Variants in MCM3AP observed in about 807,000 individuals in gnomAD.
MCM3AP encodes the protein minichromosome maintenance complex component 3 associated protein.
MCM3AP carries 126 observed loss-of-function variants against 184.1 expected under a neutral mutation model. The ratio of observed to expected loss-of-function variants is 0.68; its 90% CI spans 0.59 to 0.79. The LOEUF (loss-of-function observed/expected upper bound fraction) is 0.79. Ranked by LOEUF, MCM3AP falls within the 30% of genes least tolerant of loss-of-function variation. MCM3AP has a pLI of 0.00. For missense variants in MCM3AP, 2,496 were observed against 2,479.2 expected (o/e 1.01, Z -0.14); for synonymous variants, 1,002 against 979.3 (o/e 1.02, Z -0.43).
At chr21:46,277,765 C>T (rs1397270360) in intron 4 of MCM3AP, 48 bp from the exon 5 acceptor site, 3 of 1,250,394 alleles carry the variant, frequency 2.4e-6, no homozygotes, top group Non-Finnish European at 3.3e-6. Flanking sequence ...GGAAGGCCTT[C>T]AGAGCATTTT....
chr21:46,284,646 C>T lies in MCM3AP; in HGVS notation c.641G>A (p.Ser214Asn), dbSNP rs1039977087. ...AAAGGCAGATAATGAATTATTACTA[C>T]TAACAGGTTTTGAAAAGGTAAAATT... ...TSNFTFSKPV[S>N]SNNSLSAFTP... is the part of the protein sequence containing the mutation. Residue 214 changes from serine to asparagine, a missense_variant, in exon 1 of 28, where the codon AGT (serine) becomes AAT (asparagine). Around this residue, in one of 5 missense-constraint regions of MCM3AP, gnomAD observed 800 missense variants for 717.1 expected, o/e 1.12. Transcript: ENST00000291688. The T allele has an allele frequency of 2.2e-5, 36 of 1,614,046 alleles. No individual in the cohort carries two copies. Among genetic ancestry groups the T allele is most frequent in the Non-Finnish European group, 2.9e-5 (34 of 1,180,042 alleles).
intron 1 of MCM3AP, 21 bp downstream of exon 1, chr21:46,284,047 T>C (rs2081367238): frequency 1.2e-6 from 2 of 1,604,270 alleles, no homozygotes; most frequent in Non-Finnish European, 1.7e-6. Flanking sequence ...TTACTCTATG[T>C]GCTACATTTT....
At chr21:46,259,210 CT>C in intron 15 of MCM3AP, 119 bp from the exon 16 acceptor site, 1 of 937,242 alleles carries the variant, frequency 1.1e-6, no homozygotes, top group East Asian at 2.5e-5. Context: ...AATCCCAGCA[CT>C]TTGGAAGGCC....
At position 46,285,326 on chromosome 21, in the gene MCM3AP, G is replaced by A. The variant is rs747385375; in HGVS notation, c.-40C>T. ...ATTAGAAGGTAATTAAGTATTATGT[G>A]TACAAAATTAATTGGCTTCCTGAAA... On this transcript the variant is annotated 5_prime_UTR_variant, in exon 1 of 28. Transcript: ENST00000291688. 1.4e-6 allele frequency: 2 copies of A among 1,401,030 alleles called. No homozygotes were observed. Among genetic ancestry groups the A allele is most frequent in the South Asian group, 1.2e-5 (1 of 83,326 alleles). 86.8% of individuals were successfully genotyped at this position (1,401,030 alleles called of 1,614,324 possible).
chr21:46,269,083 C>A (rs906946658), intron 9 of MCM3AP, among the ~76,000 whole-genome samples: 1 of 152,162 alleles, frequency 6.6e-6, no homozygotes, highest in Non-Finnish European at 1.5e-5. Flanking sequence ...CAACATTCTA[C>A]TAACGCTCAA....
At chr21:46,247,424 C>CA (rs2080792329) in intron 20 of MCM3AP, among the ~76,000 whole-genome samples, 1 of 147,178 alleles carries the variant, frequency 6.8e-6, no homozygotes, top group African/African-American at 2.5e-5. Context: ...CTCACTCTGT[C>CA]GCCCAGGCTG....
chr21:46,269,308 G>C (rs1233117059), intron 9 of MCM3AP, among the ~76,000 whole-genome samples: 5 of 151,292 alleles, frequency 3.3e-5, no homozygotes, highest in African/African-American at 7.3e-5. Flanking sequence ...GTAGAGACAG[G>C]GCCTCCCTAT....
At chr21:46,247,128 T>C (rs1324062791) in intron 20 of MCM3AP, 1 of 464,336 alleles carries the variant, frequency 2.2e-6, no homozygotes, top group Admixed American at 3.5e-5. Flanking sequence ...TCAACCTTTT[T>C]TTTTTTTTGA....
chr21:46,270,952 T>C (rs1438593041), intron 8 of MCM3AP, among the ~76,000 whole-genome samples: 1 of 152,136 alleles, frequency 6.6e-6, no homozygotes, highest in East Asian at 1.9e-4. Flanking sequence ...AATAAACAAA[T>C]TCAAAAAGCA....
At position 46,245,105 on chromosome 21, in the gene MCM3AP, A is replaced by G. The variant is rs148426914; in HGVS notation, c.4740T>C (p.Ile1580=). The G allele has an allele frequency of 5.6e-6, 9 of 1,614,262 alleles. No homozygotes were observed. In the East Asian group the frequency reaches 2.0e-4, roughly 36 times the overall value. ...QTLIQYVEDG[I]GHEFSGRFFH... ...AAAAGCGGCCACTAAACTCATGGCCAATCCCGTCTTCGACGTACTGAATGA... is the reference window on the plus strand; with the variant it reads ...AAAAGCGGCCACTAAACTCATGGCCGATCCCGTCTTCGACGTACTGAATGA... The change falls in exon 23 of 28, where the codon ATT becomes ATC. Residue 1580 remains isoleucine (I), a synonymous_variant. Transcript: ENST00000291688.
chr21:46,260,085 A>T (rs925012743), intron 15 of MCM3AP, among the ~76,000 whole-genome samples: 5 of 152,062 alleles, frequency 3.3e-5, no homozygotes, highest in African/African-American at 1.2e-4. Flanking sequence ...TTAAAAAAAA[A>T]AAGTGCAAGA....
Position 46,251,652 on chromosome 21 carries a change from G to A in MCM3AP, c.4167C>T (p.Phe1389=). 1.3e-6 allele frequency: 2 copies of A among 1,599,462 alleles called. No homozygotes were observed. The highest frequency in any genetic ancestry group is 1.7e-6 in the Non-Finnish European group (2 of 1,168,182). ...CATCCACTGAGCCTTCATCTCCCAT[G>A]AACTTGACTTTTAACCAATTTGCTA... is the stretch of plus-strand genomic sequence containing the variant. ...RILANWLKVK[F]MGDEGSVDDT... is the part of the protein sequence containing the mutation. The change falls in exon 20 of 28, where the codon TTC becomes TTT. Residue 1389 remains phenylalanine (F), a synonymous_variant. Coordinates refer to ENST00000291688, the MANE Select transcript of MCM3AP (RefSeq NM_003906.5).
chr21:46,272,636 C>G lies in MCM3AP; in HGVS notation c.2390G>C (p.Gly797Ala). 1.9e-6 allele frequency: 3 copies of G among 1,614,196 alleles called. No individual in the cohort carries two copies. The highest frequency in any genetic ancestry group is 1.7e-6 in the Non-Finnish European group (2 of 1,180,026). Residue 797 changes from glycine (G) to alanine (A), a missense_variant, in exon 8 of 28, where the codon GGT becomes GCT. Physicochemically the swap from Gly to Ala is moderately conservative, Grantham distance 60. Around this residue, in one of 5 missense-constraint regions of MCM3AP, gnomAD observed 105 missense variants for 97.1 expected, o/e 1.08. Coordinates refer to ENST00000291688, the MANE Select transcript of MCM3AP (RefSeq NM_003906.5). Reference protein sequence around the residue: ...KEMYQDLRNKGVFCASEAEFQ... With the variant: ...KEMYQDLRNKAVFCASEAEFQ... ...CTCCGCTTCGCTGGCACAGAAGACA[C>G]CCTTGTTTCTCAGGTCCTGGTACAT...
At chr21:46,278,473 A>AAAGATGGATTCAGCCGG (rs2081282431) in intron 4 of MCM3AP, among the ~76,000 whole-genome samples, 1 of 152,232 alleles carries the variant, frequency 6.6e-6, no homozygotes, top group African/African-American at 2.4e-5. Flanking sequence ...CAAAAGATGA[A>AAAGATGGATTCAGCCGG]AAGATGGATT....
chr21:46,249,466 G>C (rs2080834702), intron 20 of MCM3AP: 1 of 391,842 alleles, frequency 2.6e-6, no homozygotes, highest in Non-Finnish European at 5.0e-6. Context: ...TGGGATTACA[G>C]GCATAAGCCA....
chr21:46,285,193 G>T lies in MCM3AP; in HGVS notation c.94C>A (p.Arg32=). 1 of 1,614,244 alleles carries T rather than the reference G, an allele frequency of 6.2e-7. No homozygotes were observed. Among genetic ancestry groups the T allele is most frequent in the African/African-American group, 1.3e-5 (1 of 75,064 alleles). The change falls in exon 1 of 28, where the codon CGA becomes AGA. Residue 32 remains arginine (R), a synonymous_variant. Transcript: ENST00000291688. ...CCAAAAAGAGAAGGTTGACCAAATC[G>T]AAATGGCGGCTTAGATGGAAGTGTT... The part of the protein sequence containing the change: ...VGTLPSKPPF[R]FGQPSLFGQN...
intron 20 of MCM3AP, chr21:46,249,655 TATAAC>T: frequency 2.3e-6 from 1 of 442,110 alleles, no homozygotes; most frequent in Non-Finnish European, 4.5e-6. Flanking sequence ...TCGCATGACA[TATAAC>T]ATCCAACAAG....
At position 46,243,593 on chromosome 21, in the gene MCM3AP, C is replaced by T. The variant is rs913157388; in HGVS notation, c.5168G>A (p.Ser1723Asn). ...CCCATGGACTGGGGAGGGACTCTTGCTCTTCCACCTACAGTAGGTTCTGTG... is the reference window on the plus strand; with the variant it reads ...CCCATGGACTGGGGAGGGACTCTTGTTCTTCCACCTACAGTAGGTTCTGTG... The part of the protein sequence containing the change: ...LLHRTYCRWK[S>N]KSPSPVHGAG... The change falls in exon 24 of 28, where the codon AGC becomes AAC. Residue 1723 changes from serine (S) to asparagine (N), a missense_variant. Physicochemically the swap from Ser to Asn is conservative, Grantham distance 46. Around this residue, in one of 5 missense-constraint regions of MCM3AP, gnomAD observed 1,323 missense variants for 1,273.4 expected, o/e 1.04. Coordinates refer to ENST00000291688, the MANE Select transcript of MCM3AP (RefSeq NM_003906.5). 1.2e-6 allele frequency: 2 copies of T among 1,614,232 alleles called. No individual in the cohort carries two copies. The highest frequency in any genetic ancestry group is 2.2e-5 in the South Asian group (2 of 91,086).
Position 46,243,342 on chromosome 21 carries a change from A to G in MCM3AP, c.5296+123T>C, listed in dbSNP as rs950095267. 14 of 1,180,852 alleles carry G rather than the reference A, an allele frequency of 1.2e-5. No individual in the cohort carries two copies. The Admixed American group carries it at 3.0e-4, about 25-fold the overall frequency. The allele number at this position is 1,180,852 out of a possible 1,614,324, so 73.1% of individuals were successfully genotyped here. A position where few individuals can be genotyped will look rare whatever the true frequency, so the allele number is the denominator to read the frequency against. ...TCACTCACTTGAAGAGGGAAGTCCTAAGGAAAGGAAGGATAGAGACCCAAA... is the reference window on the plus strand; with the variant it reads ...TCACTCACTTGAAGAGGGAAGTCCTGAGGAAAGGAAGGATAGAGACCCAAA... On this transcript the variant is annotated intron_variant, in intron 24 of 27. Coordinates refer to ENST00000291688, the MANE Select transcript of MCM3AP (RefSeq NM_003906.5).
Sources: gnomAD v4.1 joint callset for allele counts (sites outside exome capture counted in the v4.1 genomes callset) on GRCh38, gnomAD v4.1.1 for gene constraint, gnomAD v4.1.1 regional missense constraint, MANE v1.5 for transcripts, NCBI Gene and HGNC (gene_info 2026-07-23, HGNC 2026-07-21) for gene names.